Variants in RORC observed in about 807,000 individuals in gnomAD.
The protein encoded by RORC is nuclear receptor ROR-gamma.
Under a neutral mutation model 64.5 loss-of-function variants are expected in RORC, and 13 were observed. The observed-to-expected ratio is 0.20, with a 90% CI of 0.13 to 0.32. The LOEUF is 0.32. RORC is among the 10% of genes least tolerant of loss of function. The pLI, the probability that RORC is intolerant of heterozygous loss-of-function variation, is 1.00. For synonymous variants in RORC, 277 were observed against 259.3 expected, an observed-to-expected ratio of 1.07 and a Z score of -0.65; for missense variants, 468 against 669.5, an observed-to-expected ratio of 0.70 and a Z score of 3.32.
intron 2 of RORC, among the ~76,000 whole-genome samples, chr1:151,827,593 G>A (rs1652244675): frequency 6.6e-6 from 1 of 152,214 alleles, no homozygotes; most frequent in Admixed American, 6.5e-5. Context: ...GAGTCTCTCG[G>A]CCTGGGGGAG....
intron 2 of RORC, among the ~76,000 whole-genome samples, chr1:151,823,057 C>A (rs1179288057): frequency 1.3e-5 from 2 of 151,946 alleles, no homozygotes; most frequent in Non-Finnish European, 2.9e-5. Flanking sequence ...GAGTCTAGCA[C>A]CTTGGGCTCG....
chr1:151,816,211 G>A (rs1035375843), intron 4 of RORC, among the ~76,000 whole-genome samples: 1 of 152,148 alleles, frequency 6.6e-6, no homozygotes, highest in African/African-American at 2.4e-5. Flanking sequence ...CCTCCCCCAC[G>A]ACCACCCTCT....
intron 9 of RORC, 56 bp downstream of exon 9, chr1:151,812,891 T>G (rs1651594683): frequency 8.7e-7 from 1 of 1,144,380 alleles, no homozygotes; most frequent in East Asian, 2.3e-5. Context: ...TCTTCTTCAA[T>G]ATCTGCCATG....
At position 151,807,491 on chromosome 1, in the gene RORC, G is replaced by A; in HGVS notation, c.1538C>T (p.Pro513Leu). The change falls in exon 11 of 11, where the codon CCT (proline) becomes CTT (leucine). Residue 513 changes from proline (P) to leucine (L), a missense_variant. Physicochemically the swap from Pro to Leu is moderately conservative, Grantham distance 98. This residue lies in a region of RORC where 93 missense variants were observed against 116.6 expected (regional missense o/e 0.80). Coordinates refer to ENST00000318247, the MANE Select transcript of RORC (RefSeq NM_005060.4). The surrounding 1 kb of genome is among the most constrained non-coding windows in gnomAD (Gnocchi z 5.0). ...KELFSTETES[P>L]VGLSK ...TCCAGGTCACTTGGACAGCCCCACA[G>A]GTGACTCGGTTTCAGTGCTGAAGAG... The A allele has an allele frequency of 1.2e-6, 2 of 1,614,228 alleles. No individual in the cohort carries two copies. The highest frequency in any genetic ancestry group is 1.7e-6 in the Non-Finnish European group (2 of 1,180,022).
chr1:151,819,824 A>G (rs1008778864), intron 2 of RORC, among the ~76,000 whole-genome samples: 1 of 151,974 alleles, frequency 6.6e-6, no homozygotes, highest in Non-Finnish European at 1.5e-5. Flanking sequence ...GCAAATACCC[A>G]TGTTTGGGCG....
chr1:151,813,878 C>T, intron 6 of RORC: 1 of 480,386 alleles, frequency 2.1e-6, no homozygotes. Flanking sequence ...CAGCTTTGCC[C>T]TCCAACAAGG....
rs1014707315 is a variant in RORC at position 151,808,515 on chromosome 1, C to A, written c.1396-882G>T. Among the ~76,000 whole-genome samples, 4 of 152,114 alleles carry A rather than the reference C, an allele frequency of 2.6e-5. 1 individual carries two copies. Among genetic ancestry groups the A allele is most frequent in the African/African-American group, 7.3e-5 (3 of 41,358 alleles). On this transcript the variant is annotated intron_variant, in intron 10 of 10. Coordinates refer to ENST00000318247, the MANE Select transcript of RORC (RefSeq NM_005060.4). The stretch of plus-strand genomic sequence containing the variant: ...AAAGAGGCAGTCAGAGAAAAGCAGG[C>A]AGCAGGGTGTGATCCCTTCATATCT...
intron 4 of RORC, among the ~76,000 whole-genome samples, 164 bp from the exon 5 acceptor site, chr1:151,815,589 C>G (rs1315007507): frequency 6.6e-6 from 1 of 152,230 alleles, no homozygotes; most frequent in Admixed American, 6.5e-5. Context: ...AAGACCCCGT[C>G]CACCTCTCAC....
chr1:151,811,184 C>T, intron 10 of RORC, 141 bp downstream of exon 10: 1 of 518,482 alleles, frequency 1.9e-6, no homozygotes, highest in Non-Finnish European at 3.5e-6. Flanking sequence ...CCTTAGTTCC[C>T]ACTGCTGATG....
intron 2 of RORC, among the ~76,000 whole-genome samples, chr1:151,820,556 C>T (rs140302454): frequency 7.0e-4 from 106 of 152,292 alleles, no homozygotes; most frequent in African/African-American, 2.5e-3. Flanking sequence ...ACTCTACCCT[C>T]GCCTGCTGTC....
rs1427978992 is a variant in RORC at position 151,816,669 on chromosome 1, C to T, written c.293G>A (p.Arg98Gln). 1.2e-6 allele frequency: 2 copies of T among 1,604,228 alleles called. No individual in the cohort carries two copies. The highest frequency in any genetic ancestry group is 1.7e-6 in the Non-Finnish European group (2 of 1,175,884). The change falls in exon 4 of 11, where the codon CGA (arginine) becomes CAA (glutamine). Residue 98 changes from arginine to glutamine, a missense_variant. Coordinates refer to ENST00000318247, the MANE Select transcript of RORC (RefSeq NM_005060.4). Reference protein sequence around the residue: ...LQKCLALGMSRDAVKFGRMSK... With the variant: ...LQKCLALGMSQDAVKFGRMSK... ...GGCTGTCGACTTGGCCTCACCATCT[C>T]GGGACATGCCCAGCGCCAGGCATTT... is the stretch of plus-strand genomic sequence containing the variant.
At chr1:151,816,523 C>G in intron 4 of RORC, 141 bp downstream of exon 4, 2 of 877,358 alleles carry the variant, frequency 2.3e-6, no homozygotes, top group Non-Finnish European at 1.7e-6. Flanking sequence ...GGGGAGGAGA[C>G]AAGGGGTTGT....
Position 151,816,311 on chromosome 1 carries a change from A to G in RORC, c.298+353T>C, listed in dbSNP as rs376610425. On this transcript the variant is annotated intron_variant, in intron 4 of 10. Transcript: ENST00000318247. ...GGGGATTAGAAAAGGAGATAGAGCT[A>G]GAACTACAACAACAGGGTAGCAGGG... 1.1e-3 allele frequency among the ~76,000 whole-genome samples: 169 copies of G among 152,364 alleles called. 1 individual carries two copies. Among genetic ancestry groups the G allele is most frequent in the African/African-American group, 3.9e-3 (164 of 41,588 alleles).
In RORC at chr1:151,807,737, C is replaced by G; in HGVS notation, c.1396-104G>C. 2 of 1,269,788 alleles carry G rather than the reference C, an allele frequency of 1.6e-6. No individual in the cohort carries two copies. The highest frequency in any genetic ancestry group is 1.4e-5 in the South Asian group (1 of 70,464). 78.7% of individuals were successfully genotyped at this position (1,269,788 alleles called of 1,614,324 possible). On this transcript the variant is annotated intron_variant, in intron 10 of 10. Transcript: ENST00000318247. The surrounding 1 kb of genome is among the most constrained non-coding windows in gnomAD (Gnocchi z 5.0). ...GGCTAGGACAAACCCTCCTTGCCTT[C>G]CCCTTATGTACTTGGCACTTTGGCA... is the stretch of plus-strand genomic sequence containing the variant.
At chr1:151,821,781 A>G (rs1345563492) in intron 2 of RORC, among the ~76,000 whole-genome samples, 6 of 152,126 alleles carry the variant, frequency 3.9e-5, no homozygotes, top group African/African-American at 1.2e-4. Context: ...CTGTAGGGGT[A>G]AAAGTGTGAG....
intron 9 of RORC, 160 bp from the exon 10 acceptor site, chr1:151,811,594 G>T (rs1023974168): frequency 1.4e-5 from 7 of 484,994 alleles, no homozygotes; most frequent in Non-Finnish European, 2.6e-5. Flanking sequence ...AGCTCTGGAC[G>T]TTGGGCTTGG....
rs1194533003 is a variant in RORC at position 151,830,056 on chromosome 1, G to T, written c.41-598C>A. 6.6e-6 allele frequency among the ~76,000 whole-genome samples: 1 copy of T among 152,178 alleles called. No individual in the cohort carries two copies. Among genetic ancestry groups the T allele is most frequent in the African/African-American group, 2.4e-5 (1 of 41,436 alleles). ...ATCTCTGTGGGACTGAAATCTCTTG[G>T]TTGCTTATCTATGCCTGAAAACACC... On this transcript the variant is annotated intron_variant, in intron 1 of 10. Transcript: ENST00000318247. This position sits in a 1 kb window ranked among gnomAD's most constrained non-coding sequence, Gnocchi z 4.0.
At chr1:151,827,173 G>A (rs534652812) in intron 2 of RORC, among the ~76,000 whole-genome samples, 2 of 152,176 alleles carry the variant, frequency 1.3e-5, no homozygotes, top group Non-Finnish European at 2.9e-5. Context: ...TCATTTCGAG[G>A]AGGAAAGTGA....
chr1:151,815,010 A>C lies in RORC; in HGVS notation c.714T>G (p.His238Gln). The change falls in exon 5 of 11, where the codon CAT becomes CAG. Residue 238 changes from histidine (H) to glutamine (Q), a missense_variant. His to Gln is a conservative substitution (Grantham distance 24, BLOSUM62 0). Around this residue, in one of 5 missense-constraint regions of RORC, gnomAD observed 241 missense variants for 295.5 expected, o/e 0.82. Transcript: ENST00000318247. ...CCTGTCCCAGTTCCCCAAGCCCAGG[A>C]TGCCTGTGTTCCTCAAAACGAAGTC... Reference protein sequence around the residue: ...RCGLRFEEHRHPGLGELGQGP... With the variant: ...RCGLRFEEHRQPGLGELGQGP... 6.2e-7 allele frequency: 1 copy of C among 1,614,188 alleles called. No homozygotes were observed. Among genetic ancestry groups the C allele is most frequent in the Non-Finnish European group, 8.5e-7 (1 of 1,180,032 alleles).
Sources: allele counts gnomAD v4.1 joint callset (sites outside exome capture counted in the v4.1 genomes callset), GRCh38; gene constraint gnomAD v4.1.1; regional missense constraint gnomAD v4.1.1; non-coding constraint Gnocchi (gnomAD v3.1); transcripts MANE v1.5; gene names NCBI Gene and HGNC (gene_info 2026-07-23, HGNC 2026-07-21).